Variants in ANKS1B observed in about 807,000 individuals in gnomAD.
The protein encoded by ANKS1B is ankyrin repeat and sterile alpha motif domain containing 1B.
Under a neutral mutation model 148.3 loss-of-function variants are expected in ANKS1B, and 36 were observed. The ratio of observed to expected loss-of-function variants is 0.24; its 90% CI spans 0.19 to 0.32. ANKS1B has a LOEUF of 0.32. Ranked by LOEUF, ANKS1B falls within the 10% of genes least tolerant of loss-of-function variation. ANKS1B has a pLI of 1.00. For missense variants in ANKS1B, 1,157 were observed against 1,542.6 expected (o/e 0.75, Z 4.19); for synonymous variants, 542 against 560.8 (o/e 0.97, Z 0.47).
intron 17 of ANKS1B, among the ~76,000 whole-genome samples, chr12:98,847,522 T>C (rs1200617970): frequency 2.0e-5 from 3 of 152,114 alleles, no homozygotes; most frequent in Non-Finnish European, 4.4e-5. Flanking sequence ...GAAATACAGA[T>C]TGATTCCTTG....
chr12:99,504,557 A>G lies in ANKS1B; in HGVS notation c.1357T>C (p.Phe453Leu), dbSNP rs756972605. The G allele has an allele frequency of 1.5e-5, 24 of 1,612,854 alleles. No homozygotes were observed. The South Asian group carries it at 2.4e-4, about 16-fold the overall frequency. ...GCTGTGTCCATGAGATCACACAGAAAGTTCTCATTTTCTGAAGGAAATGTA... is the reference window on the plus strand; with the variant it reads ...GCTGTGTCCATGAGATCACACAGAAGGTTCTCATTTTCTGAAGGAAATGTA... ...LDTFPSENEN[F>L]LCDLMDTAVT... The change falls in exon 10 of 27, where the codon TTT becomes CTT. Residue 453 changes from phenylalanine (F) to leucine (L), a missense_variant. Coordinates refer to ENST00000683438, the MANE Select transcript of ANKS1B (RefSeq NM_001352186.2).
intron 12 of ANKS1B, among the ~76,000 whole-genome samples, chr12:99,275,744 T>C (rs2077594609): frequency 6.6e-6 from 1 of 152,218 alleles, no homozygotes; most frequent in South Asian, 2.1e-4. Context: ...CTATACCATA[T>C]TCAAACATAA....
In ANKS1B at chr12:99,851,794, G is replaced by A. The variant is rs560918308; in HGVS notation, c.135-26405C>T. Among the ~76,000 whole-genome samples, 9 of 152,260 alleles carry A rather than the reference G, an allele frequency of 5.9e-5. No individual in the cohort carries two copies. The South Asian group carries it at 1.9e-3, about 32-fold the overall frequency. ...AACAAAAAGCCTTTTGCAAAACTAT[G>A]TGACAAAATTAACTATGCAGTATGT... On this transcript the variant is annotated intron_variant, in intron 1 of 26. Transcript: ENST00000683438.
chr12:99,835,736 C>A (rs2084745235), intron 1 of ANKS1B, among the ~76,000 whole-genome samples: 3 of 152,028 alleles, frequency 2.0e-5, no homozygotes, highest in Admixed American at 2.0e-4. Context: ...CAGGGCATTT[C>A]TATATAATTA....
chr12:99,688,612 A>C (rs939907281), intron 8 of ANKS1B, among the ~76,000 whole-genome samples: 15 of 152,166 alleles, frequency 9.9e-5, no homozygotes, highest in Middle Eastern at 3.2e-3. Context: ...TGAAGTGGGA[A>C]GATCACTTGA....
intron 4 of ANKS1B, among the ~76,000 whole-genome samples, chr12:99,789,482 A>G (rs879824104): frequency 1.3e-5 from 2 of 152,064 alleles, no homozygotes; most frequent in Non-Finnish European, 2.9e-5. Flanking sequence ...CAAGTCCTGG[A>G]AAAAAAATAG....
intron 12 of ANKS1B, among the ~76,000 whole-genome samples, chr12:99,397,271 TA>T (rs1197739004): frequency 9.8e-5 from 15 of 152,292 alleles, no homozygotes; most frequent in African/African-American, 2.9e-4. Flanking sequence ...CAGGGTAAGT[TA>T]ATCTAATTAA....
At chr12:99,650,364 GTAGATTGTTTCTT>G (rs1409425822) in intron 9 of ANKS1B, among the ~76,000 whole-genome samples, 1 of 90,324 alleles carries the variant, frequency 1.1e-5, no homozygotes, top group Non-Finnish European at 2.8e-5. Context: ...GTGAGTTTCA[GTAGATTGTTTCTT>G]TAAATGGTCA....
At chr12:99,391,162 C>T (rs948332536) in intron 12 of ANKS1B, among the ~76,000 whole-genome samples, 1 of 152,174 alleles carries the variant, frequency 6.6e-6, no homozygotes, top group Non-Finnish European at 1.5e-5. Context: ...CTCATCTTTG[C>T]CCTCTTTTGT....
intron 25 of ANKS1B, among the ~76,000 whole-genome samples, chr12:98,766,812 A>C (rs2098486408): frequency 6.6e-6 from 1 of 151,642 alleles, no homozygotes; most frequent in Admixed American, 6.6e-5. Context: ...AAGAATTTAA[A>C]TTTTTCTTTC....
At chr12:99,753,389 T>C (rs1362669600) in intron 8 of ANKS1B, among the ~76,000 whole-genome samples, 2 of 152,180 alleles carry the variant, frequency 1.3e-5, no homozygotes, top group African/African-American at 4.8e-5. Context: ...AGAAATATCA[T>C]TGGATAAGGA....
chr12:99,913,826 TA>T lies in ANKS1B; in HGVS notation c.134+70277del, dbSNP rs796130483. ...TAAAGGTGGATAGATTTCATACTGT[TA>T]AAAAAAAAACTCAAACAAGTAAAAA... On this transcript the variant is annotated intron_variant, in intron 1 of 26. Coordinates refer to ENST00000683438, the MANE Select transcript of ANKS1B (RefSeq NM_001352186.2). Among the ~76,000 whole-genome samples, 824 of 148,498 alleles carry T rather than the reference TA, an allele frequency of 5.5e-3. 11 individuals are homozygous for T. Among genetic ancestry groups the T allele is most frequent in the African/African-American group, 0.019 (763 of 40,580 alleles).
intron 1 of ANKS1B, among the ~76,000 whole-genome samples, chr12:99,885,902 G>C (rs1347022039): frequency 6.6e-6 from 1 of 152,092 alleles, no homozygotes; most frequent in Non-Finnish European, 1.5e-5. Flanking sequence ...ATGGCCCCCA[G>C]TTCCATCCAA....
intron 24 of ANKS1B, among the ~76,000 whole-genome samples, chr12:98,778,948 G>A (rs1030247549): frequency 1.3e-5 from 2 of 152,234 alleles, no homozygotes; most frequent in East Asian, 1.9e-4. Flanking sequence ...TGTGGACCCT[G>A]TATAGCCAGT....
At chr12:99,591,034 AT>A (rs58040041) in intron 9 of ANKS1B, among the ~76,000 whole-genome samples, 20,616 of 150,254 alleles carry the variant, frequency 0.14, 1,529 homozygotes, top group Non-Finnish European at 0.16. Context: ...GGTAAAGAAT[AT>A]TTTTTTTTTC....
chr12:98,823,547 T>C (rs960790868), intron 19 of ANKS1B, among the ~76,000 whole-genome samples: 4 of 152,260 alleles, frequency 2.6e-5, no homozygotes, highest in Non-Finnish European at 5.9e-5. Flanking sequence ...TGGAGTGCAG[T>C]GGCACCATCT....
At chr12:99,015,339 A>C (rs1402167490) in intron 17 of ANKS1B, among the ~76,000 whole-genome samples, 1 of 152,168 alleles carries the variant, frequency 6.6e-6, no homozygotes, top group Non-Finnish European at 1.5e-5. Flanking sequence ...ACACATGGAC[A>C]CAACACACAC....
chr12:98,914,793 T>A (rs968063414), intron 17 of ANKS1B, among the ~76,000 whole-genome samples: 5 of 152,202 alleles, frequency 3.3e-5, no homozygotes, highest in Non-Finnish European at 5.9e-5. Flanking sequence ...CCTTCATGAC[T>A]ACTCAAATGA....
chr12:99,204,234 G>C (rs922198604), intron 14 of ANKS1B, among the ~76,000 whole-genome samples: 1 of 152,138 alleles, frequency 6.6e-6, no homozygotes. Context: ...CTTTCAGGCA[G>C]GTGTAAATAG....
Sources: allele counts gnomAD v4.1 joint callset (sites outside exome capture counted in the v4.1 genomes callset), GRCh38; gene constraint gnomAD v4.1.1; transcripts MANE v1.5; gene names NCBI Gene and HGNC (gene_info 2026-07-23, HGNC 2026-07-21).